The following CDYL variants were observed in gnomAD, a reference collection of about 807,000 sequenced individuals.
CDYL encodes the protein chromodomain Y-like protein.
A neutral mutation model predicts 47.3 loss-of-function variants in CDYL; 8 were observed. That is an observed-to-expected ratio of 0.17 (90% confidence interval 0.10 to 0.31). The LOEUF is 0.31. CDYL is among the 10% of genes least tolerant of loss of function. The probability of loss-of-function intolerance (pLI) is 1.00; values close to 1 mark genes in which losing one functional copy is unlikely to be tolerated. For missense variants in CDYL, 471 were observed against 701.4 expected (o/e 0.67, Z 3.71); for synonymous variants, 266 against 265.0 (o/e 1.00, Z -0.04).
intron 1 of CDYL, among the ~76,000 whole-genome samples, chr6:4,821,259 T>TA (rs1759826687): frequency 7.5e-6 from 1 of 132,512 alleles, no homozygotes; most frequent in Admixed American, 7.5e-5. Flanking sequence ...ATATGGGAAT[T>TA]CTTTTTTTTT....
chr6:4,953,250 G>A (rs539596772), intron 6 of CDYL, among the ~76,000 whole-genome samples: 2 of 151,826 alleles, frequency 1.3e-5, no homozygotes, highest in South Asian at 2.1e-4. Context: ...CAGGCTTGGT[G>A]GTGCACGCCT....
chr6:4,747,152 C>T (rs1265830973), intron 3 of CDYL, among the ~76,000 whole-genome samples: 1 of 151,782 alleles, frequency 6.6e-6, no homozygotes, highest in African/African-American at 2.4e-5. Flanking sequence ...ATTGAAAATC[C>T]AAAAATTAGC....
At chr6:4,797,733 A>G (rs1407302345) in intron 1 of CDYL, among the ~76,000 whole-genome samples, 1 of 152,154 alleles carries the variant, frequency 6.6e-6, no homozygotes, top group African/African-American at 2.4e-5. Flanking sequence ...AATGTTTCCA[A>G]GGTTTGTGTT....
At chr6:4,760,230 A>T (rs1582318552) in intron 3 of CDYL, among the ~76,000 whole-genome samples, 1 of 152,094 alleles carries the variant, frequency 6.6e-6, no homozygotes, top group East Asian at 1.9e-4. Flanking sequence ...TGGCATTTTG[A>T]CCTCATCATT....
At chr6:4,714,170 TAGAC>T (rs1006653248) in intron 1 of CDYL, 24 of 151,566 alleles carry the variant, frequency 1.6e-4, no homozygotes, top group African/African-American at 5.6e-4. Flanking sequence ...GTGTGTTGGA[TAGAC>T]TGACTCCACA....
intron 1 of CDYL, among the ~76,000 whole-genome samples, chr6:4,866,565 A>G (rs928834433): frequency 2.0e-5 from 3 of 152,156 alleles, no homozygotes; most frequent in Non-Finnish European, 4.4e-5. Context: ...GACAATGCCA[A>G]GTCCTTGAAT....
intron 1 of CDYL, among the ~76,000 whole-genome samples, chr6:4,837,269 A>G (rs1466134112): frequency 6.6e-6 from 1 of 152,232 alleles, no homozygotes; most frequent in African/African-American, 2.4e-5. Context: ...GGCACATGAA[A>G]GCAAAAGGAG....
intron 1 of CDYL, among the ~76,000 whole-genome samples, chr6:4,873,290 C>A (rs1761526288): frequency 6.6e-6 from 1 of 151,982 alleles, no homozygotes; most frequent in Non-Finnish European, 1.5e-5. Context: ...ATATTTAAAT[C>A]AATTTTTATT....
chr6:4,723,927 G>A (rs978176493), intron 2 of CDYL, among the ~76,000 whole-genome samples: 1 of 152,234 alleles, frequency 6.6e-6, no homozygotes, highest in Non-Finnish European at 1.5e-5. Flanking sequence ...CTCCTGATCT[G>A]CTTTCGGTTA....
chr6:4,892,686 C>T (rs912630257), intron 2 of CDYL, among the ~76,000 whole-genome samples: 1 of 152,024 alleles, frequency 6.6e-6, no homozygotes, highest in Non-Finnish European at 1.5e-5. Context: ...CTGAAGCTGT[C>T]TACCTTTCTT....
chr6:4,877,683 C>CT (rs1761657271), intron 1 of CDYL, among the ~76,000 whole-genome samples: 1 of 152,162 alleles, frequency 6.6e-6, no homozygotes, highest in Admixed American at 6.5e-5. Context: ...TCATTGATGT[C>CT]TTTGTAGATA....
At chr6:4,825,160 C>T (rs1043633541) in intron 1 of CDYL, among the ~76,000 whole-genome samples, 12 of 152,228 alleles carry the variant, frequency 7.9e-5, no homozygotes, top group African/African-American at 2.9e-4. Context: ...CATGAATCAC[C>T]GTGCCCCACT....
At chr6:4,801,128 C>T (rs1034803713) in intron 1 of CDYL, among the ~76,000 whole-genome samples, 1 of 152,168 alleles carries the variant, frequency 6.6e-6, no homozygotes, top group African/African-American at 2.4e-5. Flanking sequence ...TTGCAGATGG[C>T]AGAACCAAGC....
At chr6:4,734,946 T>C in intron 3 of CDYL, 2 of 1,512,868 alleles carry the variant, frequency 1.3e-6, no homozygotes, top group Non-Finnish European at 8.9e-7. Flanking sequence ...ACATCTGTCC[T>C]GTGCTTGGGT....
At chr6:4,930,557 G>A (rs1170618003) in intron 2 of CDYL, among the ~76,000 whole-genome samples, 1 of 152,178 alleles carries the variant, frequency 6.6e-6, no homozygotes, top group African/African-American at 2.4e-5. Flanking sequence ...GTGGTCCAGT[G>A]CCTGCAAACA....
intron 2 of CDYL, among the ~76,000 whole-genome samples, chr6:4,913,619 G>T (rs1368882424): frequency 6.6e-6 from 1 of 152,184 alleles, no homozygotes; most frequent in Non-Finnish European, 1.5e-5. Flanking sequence ...CCTTCTTCCG[G>T]CCTTCCAGGG....
chr6:4,848,645 C>T (rs181977261), intron 1 of CDYL, among the ~76,000 whole-genome samples: 1 of 152,326 alleles, frequency 6.6e-6, no homozygotes, highest in Non-Finnish European at 1.5e-5. Context: ...AGGAATTCTT[C>T]CTAGGGAGTA....
intron 1 of CDYL, among the ~76,000 whole-genome samples, chr6:4,844,884 C>T (rs1176181105): frequency 6.6e-6 from 1 of 151,858 alleles, no homozygotes; most frequent in African/African-American, 2.4e-5. Context: ...TTTAGAATAC[C>T]TATATTCAAC....
In CDYL at chr6:4,846,867, C is replaced by T. The variant is rs143051519; in HGVS notation, c.25-44846C>T. On this transcript the variant is annotated intron_variant, in intron 1 of 6. Coordinates refer to ENST00000397588, the MANE Select transcript of CDYL (RefSeq NM_004824.4). ...TAGGCAAACCAAGACATATGGTTGT[C>T]CTATTTAAATCCATAAAATTAAACT... is the stretch of plus-strand genomic sequence containing the variant. Among the ~76,000 whole-genome samples, 412 of 152,258 alleles carry T rather than the reference C, an allele frequency of 2.7e-3. 3 individuals carry two copies. Among genetic ancestry groups the T allele is most frequent in the Non-Finnish European group, 4.3e-3 (292 of 68,018 alleles).
Sources: gnomAD v4.1 joint callset for allele counts (sites outside exome capture counted in the v4.1 genomes callset) on GRCh38, gnomAD v4.1.1 for gene constraint, MANE v1.5 for transcripts, NCBI Gene and HGNC (gene_info 2026-07-23, HGNC 2026-07-21) for gene names.